Variants in MAPK9 observed in about 807,000 individuals in gnomAD.
MAPK9 encodes the protein mitogen-activated protein kinase 9, also known as Jun kinase.
In MAPK9, 30 loss-of-function variants were observed where a neutral mutation model predicts 57.1. That is an observed-to-expected ratio of 0.53 (90% CI 0.39 to 0.71). MAPK9 has a LOEUF of 0.71. MAPK9 is among the 30% of genes least tolerant of loss of function. The pLI is 0.00. For missense variants in MAPK9, 362 were observed against 521.0 expected (o/e 0.69, Z 2.97); for synonymous variants, 155 against 177.0 (o/e 0.88, Z 0.99).
rs761735120 is a variant in MAPK9, at chr5:180,280,591, T to C, written c.-30A>G. 25 of 1,602,538 alleles carry C rather than the reference T, an allele frequency of 1.6e-5. No individual in the cohort carries two copies. Among genetic ancestry groups the C allele is most frequent in the Admixed American group, 1.4e-4 (8 of 57,982 alleles). On this transcript the variant is annotated 5_prime_UTR_variant, in exon 2 of 12. Transcript: ENST00000452135. ...CAGCGTCCTGCAATATCCCGAAGGG[T>C]GGGCAAGTTTCAGATCCCTTCAAAG... is the stretch of plus-strand genomic sequence containing the variant.
chr5:180,252,712 C>T (rs925365678), intron 5 of MAPK9, among the ~76,000 whole-genome samples: 1 of 152,190 alleles, frequency 6.6e-6, no homozygotes, highest in African/African-American at 2.4e-5. Context: ...GCCTGGGACC[C>T]TGTGGCCCAC....
chr5:180,237,001 TAA>T (rs1467597191), intron 11 of MAPK9: 1 of 152,316 alleles, frequency 6.6e-6, no homozygotes, highest in African/African-American at 2.4e-5. Context: ...TTGCAATAAA[TAA>T]AGACTATATA....
chr5:180,288,257 C>T (rs1320264087), intron 1 of MAPK9, among the ~76,000 whole-genome samples: 1 of 152,146 alleles, frequency 6.6e-6, no homozygotes, highest in Non-Finnish European at 1.5e-5. Flanking sequence ...TATGGAAATG[C>T]TAAGGAACAA....
intron 3 of MAPK9, among the ~76,000 whole-genome samples, chr5:180,266,003 G>A (rs767515907): frequency 2.5e-4 from 37 of 148,960 alleles, no homozygotes; most frequent in Non-Finnish European, 3.7e-4. Flanking sequence ...ACATTAAAAT[G>A]AAACAAAAAA....
At chr5:180,268,018 G>A (rs1301190990) in intron 3 of MAPK9, among the ~76,000 whole-genome samples, 14 of 152,062 alleles carry the variant, frequency 9.2e-5, no homozygotes, top group South Asian at 4.2e-4. Context: ...TAGAGATGGG[G>A]TTTCACCATG....
At chr5:180,262,521 G>C (rs142917002) in intron 4 of MAPK9, among the ~76,000 whole-genome samples, 1 of 151,326 alleles carries the variant, frequency 6.6e-6, no homozygotes, top group Non-Finnish European at 1.5e-5. Context: ...TCCACCTCCC[G>C]GGTTCAAGCC....
intron 5 of MAPK9, among the ~76,000 whole-genome samples, chr5:180,249,432 C>T (rs11743530): frequency 0.15 from 22,925 of 151,922 alleles, 2,395 homozygotes; most frequent in African/African-American, 0.29. Flanking sequence ...TGCATCTACA[C>T]GTCCAGCACA....
intron 5 of MAPK9, chr5:180,253,808 A>T (rs1251233711): frequency 1.3e-5 from 2 of 152,290 alleles, no homozygotes; most frequent in African/African-American, 4.8e-5. Context: ...CCACCAAGGG[A>T]CTGAAGGGGC....
chr5:180,265,898 C>G (rs1760486213), intron 3 of MAPK9, among the ~76,000 whole-genome samples: 1 of 152,044 alleles, frequency 6.6e-6, no homozygotes, highest in African/African-American at 2.4e-5. Context: ...AAATCTAAAA[C>G]ATGAAATAAA....
intron 7 of MAPK9, 118 bp from the exon 8 acceptor site, chr5:180,242,873 G>A (rs367612043): frequency 2.6e-5 from 18 of 680,404 alleles, no homozygotes; most frequent in East Asian, 1.4e-4. Context: ...GATCAGCAGC[G>A]GAATTTTGAA....
chr5:180,247,458 C>T lies in MAPK9; in HGVS notation c.669G>A (p.Val223=). Reference sequence around the variant, plus strand: ...GGATACGGTCAGTGCCTTGGAATATCACACAACCTTTCACCAGCTCTCCCA... The same window carrying T: ...GGATACGGTCAGTGCCTTGGAATATTACACAACCTTTCACCAGCTCTCCCA... The part of the protein sequence containing the change: ...CIMGELVKGC[V]IFQGTDHIDQ... Residue 223 remains valine (V), a synonymous_variant, in exon 7 of 12, where the codon GTG becomes GTA. Transcript: ENST00000452135. This position sits in a 1 kb window ranked among gnomAD's most constrained non-coding sequence, Gnocchi z 4.5. 7 of 1,614,194 alleles carry T rather than the reference C, an allele frequency of 4.3e-6. No homozygotes were observed. Among genetic ancestry groups the T allele is most frequent in the Non-Finnish European group, 5.9e-6 (7 of 1,180,042 alleles).
At chr5:180,274,282 C>T (rs1046825197) in intron 2 of MAPK9, among the ~76,000 whole-genome samples, 4 of 152,120 alleles carry the variant, frequency 2.6e-5, no homozygotes, top group African/African-American at 7.2e-5. Context: ...GGGAGGGGTA[C>T]ATATACTGAC....
intron 5 of MAPK9, among the ~76,000 whole-genome samples, chr5:180,251,708 A>C (rs1337318593): frequency 1.3e-5 from 2 of 152,142 alleles, no homozygotes; most frequent in East Asian, 1.9e-4. Flanking sequence ...AGAACAAAGA[A>C]GACAAATGCC....
In MAPK9 at chr5:180,267,422, T is replaced by C. The variant is rs370261636; in HGVS notation, c.252+1858A>G. Among the ~76,000 whole-genome samples, 1,288 of 151,288 alleles carry C rather than the reference T, an allele frequency of 8.5e-3. 16 individuals carry two copies. Among genetic ancestry groups the C allele is most frequent in the African/African-American group, 0.021 (881 of 41,250 alleles). ...CTAAAAATACAAAAAATTAGCTGGG[T>C]GTGGTGGCGGGCACCTGTAGTCCCG... On this transcript the variant is annotated intron_variant, in intron 3 of 11. Coordinates refer to ENST00000452135, the MANE Select transcript of MAPK9 (RefSeq NM_002752.5).
At chr5:180,249,352 C>T (rs550141261) in intron 5 of MAPK9, among the ~76,000 whole-genome samples, 1 of 152,176 alleles carries the variant, frequency 6.6e-6, no homozygotes, top group East Asian at 1.9e-4. Flanking sequence ...CAGTGGAAAC[C>T]TTCATGGCCC....
rs893676020 is a variant in MAPK9, at chr5:180,277,046, G to A, written c.122+3394C>T. Among the ~76,000 whole-genome samples, 14 of 152,272 alleles carry A rather than the reference G, an allele frequency of 9.2e-5. No homozygotes were observed. In the East Asian group the frequency reaches 1.9e-3, roughly 21 times the overall value. On this transcript the variant is annotated intron_variant, in intron 2 of 11. Transcript: ENST00000452135. ...TACAGGTCACAGGCCCTACCTGCAC[G>A]TTGGTTTATCTGCACACCTGCCCTT...
At chr5:180,287,496 G>T (rs1268381012) in intron 1 of MAPK9, among the ~76,000 whole-genome samples, 1 of 152,194 alleles carries the variant, frequency 6.6e-6, no homozygotes, top group Non-Finnish European at 1.5e-5. Context: ...GTGACTGACT[G>T]CCTGGAGAAT....
chr5:180,241,165 C>T lies in MAPK9; in HGVS notation c.872-10G>A, dbSNP rs748835038. On this transcript the variant is annotated splice_polypyrimidine_tract_variant and intron_variant, in intron 8 of 11. Coordinates refer to ENST00000452135, the MANE Select transcript of MAPK9 (RefSeq NM_002752.5). ...TCTCTGGCTTGACTTGCTAGGGTGA[C>T]AACAAATATTAAATTAATGCTGTTA... 6.2e-7 allele frequency: 1 copy of T among 1,607,062 alleles called. No homozygotes were observed. The highest frequency in any genetic ancestry group is 8.5e-7 in the Non-Finnish European group (1 of 1,176,892).
chr5:180,248,863 C>T, intron 6 of MAPK9, 110 bp downstream of exon 6: 1 of 1,074,832 alleles, frequency 9.3e-7, no homozygotes, highest in South Asian at 2.6e-5. Context: ...CTGGGTGTAA[C>T]AGTCCCCACA....
Sources: allele counts gnomAD v4.1 joint callset (sites outside exome capture counted in the v4.1 genomes callset), GRCh38; gene constraint gnomAD v4.1.1; non-coding constraint Gnocchi (gnomAD v3.1); transcripts MANE v1.5; gene names NCBI Gene and HGNC (gene_info 2026-07-23, HGNC 2026-07-21).